Variants in AVEN observed in about 807,000 individuals in gnomAD.
The protein encoded by AVEN is cell death regulator Aven.
A neutral mutation model predicts 38.1 loss-of-function variants in AVEN; 41 were observed. The observed-to-expected ratio is 1.08, with a 90% CI of 0.84 to 1.40. The LOEUF (loss-of-function observed/expected upper bound fraction) is 1.40. AVEN is among the 40% of genes most tolerant of loss of function. The pLI is 0.00. For missense variants in AVEN, 605 were observed against 438.8 expected (o/e 1.38, Z -3.38); for synonymous variants, 206 against 171.8 (o/e 1.20, Z -1.56).
At chr15:33,867,893 G>T in intron 4 of AVEN, 38 bp from the exon 5 acceptor site, 1 of 1,526,512 alleles carries the variant, frequency 6.6e-7, no homozygotes, top group Non-Finnish European at 8.8e-7. Context: ...AAAAATGTGA[G>T]TCTTGCCATA....
rs571187999 is a variant in AVEN, at chr15:34,020,204, G to A, written c.268-16995C>T. ...TGGGTGCCTGTAGTCCCAGCTACTC[G>A]GGAGGCTGAGGCAGGAGAATGGCGT... On this transcript the variant is annotated intron_variant, in intron 1 of 5. Coordinates refer to ENST00000306730, the MANE Select transcript of AVEN (RefSeq NM_020371.3). Among the ~76,000 whole-genome samples, 85 of 152,072 alleles carry A rather than the reference G, an allele frequency of 5.6e-4. 1 individual carries two copies. Among genetic ancestry groups the A allele is most frequent in the African/African-American group, 1.7e-3 (72 of 41,456 alleles).
chr15:33,920,281 C>A (rs1893345463), intron 2 of AVEN, among the ~76,000 whole-genome samples: 1 of 152,172 alleles, frequency 6.6e-6, no homozygotes, highest in African/African-American at 2.4e-5. Context: ...GTCCTGCAAC[C>A]AATCTCCAGG....
chr15:33,969,773 A>G (rs1895549566), intron 2 of AVEN, among the ~76,000 whole-genome samples: 1 of 152,108 alleles, frequency 6.6e-6, no homozygotes, highest in Non-Finnish European at 1.5e-5. Flanking sequence ...CAACAAGAGG[A>G]TAAAAAGATG....
intron 1 of AVEN, among the ~76,000 whole-genome samples, chr15:34,011,086 G>A (rs977319757): frequency 2.0e-5 from 3 of 152,212 alleles, no homozygotes; most frequent in African/African-American, 4.8e-5. Flanking sequence ...CTGCACTTTG[G>A]GAGGCCTAGG....
At position 33,867,776 on chromosome 15, in the gene AVEN, C is replaced by T. The variant is rs374878529; in HGVS notation, c.692G>A (p.Gly231Glu). ...CCCCCTTCCTCCAGGCCCCAAGGGC[C>T]CCTTTAACTGCATCCCTAATCCCTT... Reference protein sequence around the residue: ...DGKGLGMQLKGPLGPGGRGPI... With the variant: ...DGKGLGMQLKEPLGPGGRGPI... Residue 231 changes from glycine to glutamate, a missense_variant, in exon 5 of 6, where the codon GGG (glycine) becomes GAG (glutamate). Transcript: ENST00000306730. 4 of 1,614,058 alleles carry T rather than the reference C, an allele frequency of 2.5e-6. No individual in the cohort carries two copies. In the Admixed American group the frequency reaches 5.0e-5, roughly 20 times the overall value.
In AVEN at chr15:33,867,603, A is replaced by G; in HGVS notation, c.865T>C (p.Leu289=). ...GDHLEEELDL[L]LNLDAPIKEG... is the part of the protein sequence containing the mutation. ...TTTATAGGTGCATCTAAATTAAGCA[A>G]CAGATCTAGTTCTTCTTCCAAATGG... Residue 289 remains leucine, a synonymous_variant, in exon 5 of 6, where the codon TTG becomes CTG. Coordinates refer to ENST00000306730, the MANE Select transcript of AVEN (RefSeq NM_020371.3). 6.2e-7 allele frequency: 1 copy of G among 1,614,188 alleles called. No homozygotes were observed.
intron 2 of AVEN, among the ~76,000 whole-genome samples, chr15:33,949,521 T>C (rs575402620): frequency 1.9e-4 from 29 of 152,174 alleles, no homozygotes; most frequent in Non-Finnish European, 3.1e-4. Context: ...CATAAATATG[T>C]ATAATTATTA....
chr15:33,975,169 C>A (rs1166069561), intron 2 of AVEN, among the ~76,000 whole-genome samples: 2 of 152,162 alleles, frequency 1.3e-5, no homozygotes, highest in Non-Finnish European at 2.9e-5. Context: ...ACACTCTCTC[C>A]TCCACACGCT....
intron 5 of AVEN, among the ~76,000 whole-genome samples, chr15:34,058,297 A>G (rs1047425988): frequency 6.6e-6 from 1 of 152,186 alleles, no homozygotes; most frequent in African/African-American, 2.4e-5. Context: ...AAGTGGACAC[A>G]TAAAATTAAC....
chr15:33,882,557 A>C (rs370292822), intron 2 of AVEN, among the ~76,000 whole-genome samples: 244 of 62,254 alleles, frequency 3.9e-3, no homozygotes, highest in African/African-American at 1.0e-2. Context: ...AGAAGCAAAA[A>C]TGTTAAAAAA....
At chr15:33,952,425 T>C (rs1288799626) in intron 2 of AVEN, among the ~76,000 whole-genome samples, 3 of 152,180 alleles carry the variant, frequency 2.0e-5, no homozygotes, top group Non-Finnish European at 2.9e-5. Context: ...TGTAGTAACT[T>C]GGTTGCAGGA....
intron 2 of AVEN, among the ~76,000 whole-genome samples, chr15:33,963,306 T>C (rs1320748366): frequency 2.0e-5 from 3 of 152,192 alleles, no homozygotes; most frequent in South Asian, 2.1e-4. Flanking sequence ...TAAACAGCCC[T>C]AACAGACAAG....
chr15:34,025,109 G>A (rs1898397166), intron 1 of AVEN, among the ~76,000 whole-genome samples: 1 of 152,074 alleles, frequency 6.6e-6, no homozygotes. Flanking sequence ...GGCAGAGGAT[G>A]CAATAAGCAG....
At chr15:33,895,124 C>T (rs890483370) in intron 2 of AVEN, among the ~76,000 whole-genome samples, 8 of 152,034 alleles carry the variant, frequency 5.3e-5, no homozygotes, top group African/African-American at 1.9e-4. Flanking sequence ...TTGGATTCTA[C>T]CACTGGTGGG....
intron 4 of AVEN, among the ~76,000 whole-genome samples, chr15:33,870,005 G>C (rs1396582200): frequency 6.6e-6 from 1 of 151,868 alleles, no homozygotes; most frequent in African/African-American, 2.4e-5. Context: ...TTTCCACTTG[G>C]ATATCTCAGA....
upstream of AVEN, among the ~76,000 whole-genome samples, chr15:34,041,139 A>G (rs1597382143): frequency 2.0e-5 from 3 of 151,994 alleles, no homozygotes; most frequent in Admixed American, 2.0e-4. Flanking sequence ...TATCCTGTGC[A>G]TTGTAGAATA....
intron 2 of AVEN, among the ~76,000 whole-genome samples, chr15:33,928,847 C>T (rs1450582697): frequency 1.3e-5 from 2 of 152,186 alleles, no homozygotes; most frequent in African/African-American, 4.8e-5. Context: ...GCACCTGCCT[C>T]ATGGACAAGA....
chr15:34,061,033 T>A (rs1900319635), intron 5 of AVEN, among the ~76,000 whole-genome samples: 1 of 146,202 alleles, frequency 6.8e-6, no homozygotes, highest in Non-Finnish European at 1.5e-5. Context: ...AAAAAAAAGA[T>A]TTTTTTTTTC....
At chr15:33,949,871 G>T (rs986484042) in intron 2 of AVEN, among the ~76,000 whole-genome samples, 1 of 152,034 alleles carries the variant, frequency 6.6e-6, no homozygotes, top group Non-Finnish European at 1.5e-5. Flanking sequence ...CTGGGTATAC[G>T]GCCAAAATGA....
Sources: gnomAD v4.1 joint callset for allele counts (sites outside exome capture counted in the v4.1 genomes callset) on GRCh38, gnomAD v4.1.1 for gene constraint, MANE v1.5 for transcripts, NCBI Gene and HGNC (gene_info 2026-07-23, HGNC 2026-07-21) for gene names.